RASAL1: variants seen among roughly 807,000 people sequenced by gnomAD.
RASAL1 encodes the protein RAS protein activator like 1, also known as rasGAP-activating-like protein 1.
A neutral mutation model predicts 96.6 loss-of-function variants in RASAL1; 72 were observed. That is an observed-to-expected ratio of 0.75 (90% CI 0.62 to 0.91). The LOEUF is 0.91. RASAL1 is among the 40% of genes least tolerant of loss of function. The pLI is 0.00. For synonymous variants in RASAL1, 405 were observed against 430.4 expected (o/e 0.94, Z 0.73); for missense variants, 1,016 against 1,072.5 (o/e 0.95, Z 0.74).
intron 4 of RASAL1, among the ~76,000 whole-genome samples, chr12:113,125,762 G>T (rs35786393): frequency 0.041 from 6,286 of 152,250 alleles, 220 homozygotes; most frequent in African/African-American, 0.1. Flanking sequence ...CTGACCGATG[G>T]ATATAACTTA....
rs201457819 is a variant in RASAL1, at chr12:113,130,872, C to T, written c.122+13G>A. 9.2e-5 allele frequency: 148 copies of T among 1,611,058 alleles called. 1 individual carries two copies. In the East Asian group the frequency reaches 1.6e-3, roughly 18 times the overall value. On this transcript the variant is annotated intron_variant, in intron 2 of 20. Coordinates refer to ENST00000548055, the MANE Select transcript of RASAL1 (RefSeq NM_001301202.2). The surrounding 1 kb of genome is among the most constrained non-coding windows in gnomAD (Gnocchi z 5.1). ...CCTCCCTTCCTCCTCTCCCCCGTGT[C>T]GCCACCCCTCACCTGGCCACCACCT...
In RASAL1 at chr12:113,126,686, T is replaced by TCACACACA. The variant is rs751428777; in HGVS notation, c.298+1125_298+1126insTGTGTGTG. 1.1e-4 allele frequency among the ~76,000 whole-genome samples: 16 copies of TCACACACA among 141,594 alleles called. No homozygotes were observed. The East Asian group carries it at 1.2e-3, about 10-fold the overall frequency. The allele number at this position is 141,594 out of a possible 152,430, so 92.9% of individuals were successfully genotyped here. A position where few individuals can be genotyped will look rare whatever the true frequency, so the allele number is the denominator to read the frequency against. On this transcript the variant is annotated intron_variant, in intron 4 of 20. Coordinates refer to ENST00000548055, the MANE Select transcript of RASAL1 (RefSeq NM_001301202.2). ...GACAGAATGAGACACTGTCTCTCTCTCTCACACACACACACACACACACAC... is the reference window on the plus strand; with the variant it reads ...GACAGAATGAGACACTGTCTCTCTCTCACACACACTCACACACACACACACACACACAC...
rs1445631471 is a variant in RASAL1, at chr12:113,099,380, A to G, written c.*549T>C. 1 of 152,310 alleles carries G rather than the reference A, an allele frequency of 6.6e-6. No individual in the cohort carries two copies. Among genetic ancestry groups the G allele is most frequent in the Non-Finnish European group, 1.5e-5 (1 of 68,122 alleles). The allele number at this position is 152,310 out of a possible 1,614,324, so 9.4% of individuals were successfully genotyped here. ...GGCTCCAAGGGTCTGAGTTTGGCACACTGGACCCCCACCCAGCCTTGGTTC... is the reference window on the plus strand; with the variant it reads ...GGCTCCAAGGGTCTGAGTTTGGCACGCTGGACCCCCACCCAGCCTTGGTTC... On this transcript the variant is annotated 3_prime_UTR_variant, in exon 21 of 21. Coordinates refer to ENST00000548055, the MANE Select transcript of RASAL1 (RefSeq NM_001301202.2).
intron 1 of RASAL1, among the ~76,000 whole-genome samples, chr12:113,133,760 C>A (rs1024757788): frequency 5.3e-5 from 8 of 152,144 alleles, no homozygotes; most frequent in Admixed American, 5.2e-4. Context: ...TGGCCAGAAC[C>A]CCCCCTGCCA....
chr12:113,115,547 G>T lies in RASAL1; in HGVS notation c.1003+88C>A. ...AGAAAAAGGAGCCCTTTTTCCCTCT[G>T]CCTGAGGCCTCCCCATTCCTCCCCC... On this transcript the variant is annotated intron_variant, in intron 10 of 20. Coordinates refer to ENST00000548055, the MANE Select transcript of RASAL1 (RefSeq NM_001301202.2). The surrounding 1 kb of genome is among the most constrained non-coding windows in gnomAD (Gnocchi z 4.1). 1 of 1,509,048 alleles carries T rather than the reference G, an allele frequency of 6.6e-7. No individual in the cohort carries two copies. Among genetic ancestry groups the T allele is most frequent in the Middle Eastern group, 2.4e-4 (1 of 4,098 alleles). The allele number at this position is 1,509,048 out of a possible 1,614,324, so 93.5% of individuals were successfully genotyped here.
rs1211986241 is a variant in RASAL1, at chr12:113,108,212, T to C, written c.1385A>G (p.Tyr462Cys). The C allele has an allele frequency of 2.0e-5, 32 of 1,611,906 alleles. No homozygotes were observed. The highest frequency in any genetic ancestry group is 2.6e-5 in the Non-Finnish European group (31 of 1,179,148). Residue 462 changes from tyrosine to cysteine, a missense_variant, in exon 14 of 21, where the codon TAC becomes TGC. Coordinates refer to ENST00000548055, the MANE Select transcript of RASAL1 (RefSeq NM_001301202.2). Reference sequence around the variant, plus strand: ...GAAGAGAAATCCACTGATGGCCAGGTACTTCACATCCTGCTGGGAGGAGCA... The same window carrying C: ...GAAGAGAAATCCACTGATGGCCAGGCACTTCACATCCTGCTGGGAGGAGCA... ...FPQAEHQDVK[Y>C]LAISGFLFLR...
intron 13 of RASAL1, among the ~76,000 whole-genome samples, chr12:113,109,127 C>T (rs755279981): frequency 4.0e-5 from 6 of 151,162 alleles, no homozygotes; most frequent in Admixed American, 2.0e-4. Flanking sequence ...GTGATCCAGC[C>T]GCCTCAGCCT....
intron 1 of RASAL1, among the ~76,000 whole-genome samples, chr12:113,131,316 C>T (rs1951702173): frequency 1.3e-5 from 2 of 152,104 alleles, no homozygotes; most frequent in South Asian, 4.1e-4. Flanking sequence ...AGAGAGTCCC[C>T]TTCCCTCTCT....
chr12:113,123,685 G>A (rs1470009336), intron 4 of RASAL1, among the ~76,000 whole-genome samples: 2 of 152,154 alleles, frequency 1.3e-5, no homozygotes, highest in African/African-American at 4.8e-5. Flanking sequence ...CCAGGTTCAA[G>A]CAATTCTCAT....
chr12:113,111,031 T>C (rs1950846978), intron 13 of RASAL1, among the ~76,000 whole-genome samples: 1 of 152,206 alleles, frequency 6.6e-6, no homozygotes, highest in Non-Finnish European at 1.5e-5. Flanking sequence ...AGCTGCCCCC[T>C]TTAGACAAGA....
At chr12:113,117,191 C>T (rs373333866) in intron 7 of RASAL1, 30 bp from the exon 8 acceptor site, 18 of 1,521,464 alleles carry the variant, frequency 1.2e-5, no homozygotes, top group African/African-American at 2.8e-5. Context: ...GACCCTCAGC[C>T]GGGCCCTGGC....
chr12:113,104,403 G>T, intron 16 of RASAL1, 105 bp from the exon 17 acceptor site: 2 of 1,185,186 alleles, frequency 1.7e-6, no homozygotes, highest in African/African-American at 1.5e-5. Context: ...TCCCAGCGGC[G>T]GGACATTCAA....
At chr12:113,133,730 C>G (rs1174098333) in intron 1 of RASAL1, among the ~76,000 whole-genome samples, 1 of 152,188 alleles carries the variant, frequency 6.6e-6, no homozygotes, top group Non-Finnish European at 1.5e-5. Context: ...GTGCTGACAG[C>G]TAGGGAAACT....
At chr12:113,117,536 C>G (rs1951133340) in intron 7 of RASAL1, among the ~76,000 whole-genome samples, 1 of 152,156 alleles carries the variant, frequency 6.6e-6, no homozygotes, top group Non-Finnish European at 1.5e-5. Flanking sequence ...GGGACCCAAG[C>G]CCCACACTCT....
chr12:113,124,444 C>T (rs1489370747), intron 4 of RASAL1, among the ~76,000 whole-genome samples: 1 of 152,148 alleles, frequency 6.6e-6, no homozygotes, highest in African/African-American at 2.4e-5. Flanking sequence ...TTTCTTGCTG[C>T]CTGTTCTGTG....
In RASAL1 at chr12:113,112,306, C is replaced by T. The variant is rs200888284; in HGVS notation, c.1182-28G>A. On this transcript the variant is annotated intron_variant, in intron 12 of 20. Coordinates refer to ENST00000548055, the MANE Select transcript of RASAL1 (RefSeq NM_001301202.2). ...GGAGGGGCCGGCGGAGCAGCTCAGC[C>T]TCGGGGCACAACATCTGCCTGCTCC... 5.0e-5 allele frequency: 63 copies of T among 1,250,446 alleles called. No individual in the cohort carries two copies. In the Admixed American group the frequency reaches 2.6e-3, roughly 51 times the overall value. The allele number at this position is 1,250,446 out of a possible 1,614,324, so 77.5% of individuals were successfully genotyped here.
At chr12:113,133,202 A>C (rs1206060356) in intron 1 of RASAL1, among the ~76,000 whole-genome samples, 1 of 152,188 alleles carries the variant, frequency 6.6e-6, no homozygotes, top group Non-Finnish European at 1.5e-5. Flanking sequence ...GGGCCTTATC[A>C]GACTCCTATC....
intron 13 of RASAL1, among the ~76,000 whole-genome samples, chr12:113,108,817 T>C (rs1486814808): frequency 2.8e-5 from 4 of 142,176 alleles, no homozygotes; most frequent in African/African-American, 1.1e-4. Flanking sequence ...GATTTGATTA[T>C]TTTTCTTTTT....
Position 113,115,726 on chromosome 12 carries a change from G to A in RASAL1, c.912C>T (p.Asp304=). Residue 304 remains aspartate, a synonymous_variant, in exon 10 of 21, where the codon GAC becomes GAT. Coordinates refer to ENST00000548055, the MANE Select transcript of RASAL1 (RefSeq NM_001301202.2). The surrounding 1 kb of genome is among the most constrained non-coding windows in gnomAD (Gnocchi z 4.1). ...EELTLGDCRQ[D]LATKLVKLFL... ...AGAGTTTCACCAGCTTGGTGGCAAG[G>A]TCCTGGCGGCAGTCCCCCAAGGTCA... is the stretch of plus-strand genomic sequence containing the variant. 6.2e-7 allele frequency: 1 copy of A among 1,614,140 alleles called. No individual in the cohort carries two copies. Among genetic ancestry groups the A allele is most frequent in the Non-Finnish European group, 8.5e-7 (1 of 1,180,028 alleles).
Sources: gnomAD v4.1 joint callset for allele counts (sites outside exome capture counted in the v4.1 genomes callset) on GRCh38, gnomAD v4.1.1 for gene constraint, Gnocchi (gnomAD v3.1) non-coding constraint, MANE v1.5 for transcripts, NCBI Gene and HGNC (gene_info 2026-07-23, HGNC 2026-07-21) for gene names.